The following CPED1 variants were observed in gnomAD, a reference collection of about 807,000 sequenced individuals.
CPED1 encodes the protein cadherin-like and PC-esterase domain-containing protein 1.
In CPED1, 114 loss-of-function variants were observed where a neutral mutation model predicts 128.2. The ratio of observed to expected loss-of-function variants is 0.89; its 90% CI spans 0.76 to 1.04. The LOEUF is 1.04. CPED1 is among the 50% of genes least tolerant of loss of function. The pLI is 0.00. For synonymous variants in CPED1, 462 were observed against 426.7 expected, an observed-to-expected ratio of 1.08 and a Z score of -1.02; for missense variants, 1,211 against 1,207.1, an observed-to-expected ratio of 1.00 and a Z score of -0.05.
chr7:121,044,522 G>T (rs56087715), intron 3 of CPED1, among the ~76,000 whole-genome samples: 34 of 151,950 alleles, frequency 2.2e-4, no homozygotes, highest in Non-Finnish European at 4.9e-4. Context: ...ATCTTTGAGG[G>T]ATGAGGTGGT....
chr7:121,293,359 C>T (rs938280964), intron 22 of CPED1, among the ~76,000 whole-genome samples: 2 of 152,180 alleles, frequency 1.3e-5, no homozygotes, highest in African/African-American at 4.8e-5. Flanking sequence ...CCTACCCCCA[C>T]CAAGCTCGAG....
chr7:121,094,736 T>C (rs942836403), intron 5 of CPED1, among the ~76,000 whole-genome samples: 1 of 152,222 alleles, frequency 6.6e-6, no homozygotes, highest in Non-Finnish European at 1.5e-5. Flanking sequence ...CTCCTGTTTC[T>C]GGTTTAATCA....
chr7:121,138,291 T>C (rs770953465), intron 14 of CPED1, among the ~76,000 whole-genome samples: 4 of 151,906 alleles, frequency 2.6e-5, no homozygotes, highest in Admixed American at 2.6e-4. Context: ...ACTTGCCAAA[T>C]AGGTTAAGCA....
At chr7:121,006,046 T>A (rs1176598846) in intron 2 of CPED1, among the ~76,000 whole-genome samples, 1 of 152,158 alleles carries the variant, frequency 6.6e-6, no homozygotes, top group African/African-American at 2.4e-5. Flanking sequence ...GTCTCTGGCA[T>A]CTGTGAAAAT....
intron 4 of CPED1, chr7:121,050,943 G>A: frequency 6.7e-5 from 33 of 495,730 alleles, no homozygotes; most frequent in South Asian, 5.0e-4. Context: ...GGACCATCAA[G>A]GAAGAGCCCA....
chr7:121,051,727 T>C (rs1793359681), intron 4 of CPED1: 6 of 254,382 alleles, frequency 2.4e-5, no homozygotes, highest in Non-Finnish European at 4.6e-5. Flanking sequence ...AATAACGTTG[T>C]TATGCTGTGA....
intron 3 of CPED1, among the ~76,000 whole-genome samples, chr7:121,039,046 G>C (rs151226616): frequency 6.6e-6 from 1 of 151,976 alleles, no homozygotes; most frequent in African/African-American, 2.4e-5. Context: ...ACTTGGAAAG[G>C]TGTCACCATG....
chr7:121,237,174 A>G (rs906473516), intron 17 of CPED1, among the ~76,000 whole-genome samples: 5 of 152,134 alleles, frequency 3.3e-5, no homozygotes, highest in African/African-American at 1.2e-4. Flanking sequence ...AGTTACCACA[A>G]TTATTTAAAT....
chr7:121,243,291 C>G (rs1798445099), intron 17 of CPED1, among the ~76,000 whole-genome samples: 1 of 151,868 alleles, frequency 6.6e-6, no homozygotes, highest in Non-Finnish European at 1.5e-5. Context: ...ATATGATGTG[C>G]TATGTTCACA....
At position 121,182,241 on chromosome 7, in the gene CPED1, GA is replaced by G. The variant is rs564002157; in HGVS notation, c.2055+40107del. On this transcript the variant is annotated intron_variant, in intron 16 of 22. Transcript: ENST00000310396. ...TAGTTTTAATGATGTTACATTTCCAGAAAAAAATACATATAAAATTCATAGA... is the reference window on the plus strand; with the variant it reads ...TAGTTTTAATGATGTTACATTTCCAGAAAAAATACATATAAAATTCATAGA... Among the ~76,000 whole-genome samples the G allele has an allele frequency of 1.6e-3, 217 of 138,896 alleles. 6 individuals are homozygous for G. In the South Asian group the frequency reaches 0.028, roughly 18 times the overall value. The allele number at this position is 138,896 out of a possible 152,430, so 91.1% of individuals were successfully genotyped here.
At chr7:121,206,309 C>G (rs552431928) in intron 16 of CPED1, among the ~76,000 whole-genome samples, 2 of 151,906 alleles carry the variant, frequency 1.3e-5, no homozygotes, top group African/African-American at 4.8e-5. Context: ...AAATGGGCAG[C>G]CAGGCATTGT....
At chr7:120,998,330 C>T (rs1796445104) in intron 2 of CPED1, among the ~76,000 whole-genome samples, 1 of 152,142 alleles carries the variant, frequency 6.6e-6, no homozygotes, top group Non-Finnish European at 1.5e-5. Flanking sequence ...AAATTAATAC[C>T]ATTTATTAAC....
intron 12 of CPED1, among the ~76,000 whole-genome samples, chr7:121,131,564 G>A (rs1355683150): frequency 6.7e-6 from 1 of 150,234 alleles, no homozygotes; most frequent in African/African-American, 2.4e-5. Context: ...TTGTTCCCAA[G>A]CAAATTTTTC....
chr7:121,161,117 T>TAAAAC, intron 16 of CPED1, among the ~76,000 whole-genome samples: 1 of 152,316 alleles, frequency 6.6e-6, no homozygotes, highest in East Asian at 1.9e-4. Context: ...TAGCAACTTT[T>TAAAAC]AAAACAACAT....
At chr7:121,262,174 T>C (rs753364009) in intron 18 of CPED1, among the ~76,000 whole-genome samples, 12 of 152,014 alleles carry the variant, frequency 7.9e-5, no homozygotes, top group Non-Finnish European at 1.8e-4. Context: ...CTCCTCCCTC[T>C]TCACCTTCCT....
intron 3 of CPED1, among the ~76,000 whole-genome samples, chr7:121,045,698 C>G (rs923688960): frequency 1.4e-4 from 21 of 152,110 alleles, no homozygotes; most frequent in Admixed American, 2.0e-4. Context: ...GAATATTTAT[C>G]TCAGGACTGA....
At chr7:121,244,433 C>T (rs1798477396) in intron 18 of CPED1, 95 bp downstream of exon 18, 3 of 1,305,972 alleles carry the variant, frequency 2.3e-6, no homozygotes, top group Non-Finnish European at 3.2e-6. Context: ...TTCCTGCTGT[C>T]TCACAGCAGA....
intron 16 of CPED1, among the ~76,000 whole-genome samples, chr7:121,147,550 TTC>T (rs1365072186): frequency 1.3e-5 from 2 of 152,254 alleles, no homozygotes; most frequent in South Asian, 2.1e-4. Context: ...AGGGGAATGT[TTC>T]TTTTAATACC....
intron 5 of CPED1, among the ~76,000 whole-genome samples, chr7:121,082,411 G>C (rs572041918): frequency 6.6e-6 from 1 of 152,186 alleles, no homozygotes; most frequent in South Asian, 2.1e-4. Flanking sequence ...TTCTGATTTA[G>C]AAAGAAATAG....
Sources: gnomAD v4.1 joint callset for allele counts (sites outside exome capture counted in the v4.1 genomes callset) on GRCh38, gnomAD v4.1.1 for gene constraint, MANE v1.5 for transcripts, NCBI Gene and HGNC (gene_info 2026-07-23, HGNC 2026-07-21) for gene names.